Variants in ZFAT observed in about 807,000 individuals in gnomAD.
ZFAT encodes the protein zinc finger protein ZFAT.
ZFAT carries 64 observed loss-of-function variants against 117.7 expected under a neutral mutation model. That is an observed-to-expected ratio of 0.54 (90% confidence interval 0.44 to 0.67). ZFAT has a LOEUF of 0.67. Ranked by LOEUF, ZFAT falls within the 30% of genes least tolerant of loss-of-function variation. The pLI, the probability that ZFAT is intolerant of heterozygous loss-of-function variation, is 0.00. For synonymous variants in ZFAT, 679 were observed against 615.0 expected, an observed-to-expected ratio of 1.10 and a Z score of -1.54; for missense variants, 1,433 against 1,584.5, an observed-to-expected ratio of 0.90 and a Z score of 1.62.
chr8:134,611,484 G>A (rs149982174), intron 3 of ZFAT, among the ~76,000 whole-genome samples: 27 of 152,346 alleles, frequency 1.8e-4, no homozygotes, highest in African/African-American at 6.0e-4. Flanking sequence ...CTGGGCCCTA[G>A]AGGGCCCTGA....
the ZFAT span, among the ~76,000 whole-genome samples, chr8:134,775,253 C>G: frequency 6.6e-6 from 1 of 152,122 alleles, no homozygotes; most frequent in African/African-American, 2.4e-5. Flanking sequence ...TGTCTTGTCC[C>G]CTTAGGGCCT....
intron 15 of ZFAT, among the ~76,000 whole-genome samples, chr8:134,499,838 G>A (rs1586590958): frequency 6.6e-6 from 1 of 152,234 alleles, no homozygotes; most frequent in Admixed American, 6.5e-5. Context: ...GCCACCACAT[G>A]TGCTGACAGG....
chr8:134,630,553 T>C (rs1322915192), intron 3 of ZFAT, among the ~76,000 whole-genome samples: 1 of 152,192 alleles, frequency 6.6e-6, no homozygotes. Flanking sequence ...AAGAATTTAA[T>C]GAGAATAAGA....
At chr8:134,739,700 TA>T in the ZFAT span, among the ~76,000 whole-genome samples, 1 of 151,902 alleles carries the variant, frequency 6.6e-6, no homozygotes. Flanking sequence ...AACAAGGAAA[TA>T]GATAATTACA....
At chr8:134,482,106 C>T (rs1257284285) in intron 15 of ZFAT, among the ~76,000 whole-genome samples, 8 of 152,208 alleles carry the variant, frequency 5.3e-5, no homozygotes, top group Admixed American at 5.2e-4. Flanking sequence ...TGGCTCACTG[C>T]TCTTCTCCTT....
chr8:134,732,134 C>G, the ZFAT span, among the ~76,000 whole-genome samples: 1 of 152,186 alleles, frequency 6.6e-6, no homozygotes, highest in East Asian at 1.9e-4. Flanking sequence ...AAACTGTGAG[C>G]CCCACACTAT....
chr8:134,509,988 G>A (rs1289422391), intron 14 of ZFAT: 9 of 535,858 alleles, frequency 1.7e-5, no homozygotes, highest in Middle Eastern at 2.9e-4. Context: ...ACATTGAGAC[G>A]TTATTTGCAT....
chr8:134,540,563 C>T (rs1283096917), intron 11 of ZFAT, among the ~76,000 whole-genome samples: 1 of 152,186 alleles, frequency 6.6e-6, no homozygotes, highest in Non-Finnish European at 1.5e-5. Context: ...CACAGAGTCC[C>T]TCCATCACCT....
chr8:134,637,403 T>C, intron 3 of ZFAT, 58 bp downstream of exon 3: 1 of 1,559,980 alleles, frequency 6.4e-7, no homozygotes, highest in East Asian at 2.3e-5. Flanking sequence ...AAACCTGATA[T>C]TAGCAGATAC....
chr8:134,638,492 T>A (rs1351758195), intron 2 of ZFAT, among the ~76,000 whole-genome samples: 1 of 146,586 alleles, frequency 6.8e-6, no homozygotes, highest in Non-Finnish European at 1.5e-5. Flanking sequence ...GATCACGAGG[T>A]CAGGAGATCG....
intron 7 of ZFAT, among the ~76,000 whole-genome samples, chr8:134,594,566 C>T (rs1435732700): frequency 1.3e-5 from 2 of 152,184 alleles, no homozygotes; most frequent in African/African-American, 2.4e-5. Flanking sequence ...TCAATAGATG[C>T]ACCACCGCCA....
intron 11 of ZFAT, among the ~76,000 whole-genome samples, chr8:134,539,514 G>C (rs1822092565): frequency 6.6e-6 from 1 of 152,224 alleles, no homozygotes; most frequent in Non-Finnish European, 1.5e-5. Flanking sequence ...GATGACACTA[G>C]TGTGTGAAAT....
chr8:134,633,981 G>A (rs773653619), intron 3 of ZFAT, among the ~76,000 whole-genome samples: 5 of 152,182 alleles, frequency 3.3e-5, no homozygotes, highest in Non-Finnish European at 7.4e-5. Context: ...GGGAGGCAGA[G>A]GTTGCAGTGA....
the ZFAT span, among the ~76,000 whole-genome samples, chr8:134,734,765 C>T: frequency 2.6e-3 from 395 of 152,308 alleles, no homozygotes; most frequent in Non-Finnish European, 3.5e-3. Flanking sequence ...TGCTCGGGAG[C>T]AGGGAGTGCT....
intron 11 of ZFAT, among the ~76,000 whole-genome samples, chr8:134,542,602 A>C (rs1231510022): frequency 6.6e-6 from 1 of 152,152 alleles, no homozygotes; most frequent in East Asian, 1.9e-4. Flanking sequence ...CTCCAGCTTG[A>C]TCCATGTTGC....
chr8:134,714,925 AC>A (rs755951985), upstream of ZFAT, among the ~76,000 whole-genome samples: 31 of 152,274 alleles, frequency 2.0e-4, no homozygotes, highest in Non-Finnish European at 2.9e-4. Flanking sequence ...CACGTCCTCC[AC>A]CACAAGATAC....
intron 13 of ZFAT, among the ~76,000 whole-genome samples, chr8:134,518,921 T>A (rs186824151): frequency 1.3e-5 from 2 of 152,198 alleles, no homozygotes; most frequent in Non-Finnish European, 2.9e-5. Context: ...TCCTACCAAC[T>A]TGAGACACCA....
At chr8:134,589,613 G>A (rs1467156320) in intron 8 of ZFAT, among the ~76,000 whole-genome samples, 1 of 152,228 alleles carries the variant, frequency 6.6e-6, no homozygotes, top group Non-Finnish European at 1.5e-5. Context: ...GAGAGTCACA[G>A]TGACTTGAGC....
intron 11 of ZFAT, among the ~76,000 whole-genome samples, chr8:134,556,826 A>G (rs1823661755): frequency 6.6e-6 from 1 of 152,196 alleles, no homozygotes; most frequent in Non-Finnish European, 1.5e-5. Flanking sequence ...TGTATCAAAT[A>G]GAAGCCCAGA....
Sources: allele counts gnomAD v4.1 joint callset (sites outside exome capture counted in the v4.1 genomes callset), GRCh38; gene constraint gnomAD v4.1.1; transcripts MANE v1.5; gene names NCBI Gene and HGNC (gene_info 2026-07-23, HGNC 2026-07-21).